Variants in CFTR observed in about 807,000 individuals in gnomAD.
CFTR encodes the protein CF transmembrane conductance regulator.
In CFTR, 181 loss-of-function variants were observed where a neutral mutation model predicts 171.6. The observed-to-expected ratio is 1.05, with a 90% CI of 0.93 to 1.19. The LOEUF (loss-of-function observed/expected upper bound fraction) is 1.19. Among genes scored for constraint, CFTR ranks in the 50% most tolerant of loss-of-function variants. The pLI is 0.00. For missense variants in CFTR, 1,968 were observed against 1,734.7 expected, an observed-to-expected ratio of 1.13 and a Z score of -2.39; for synonymous variants, 583 against 608.0, an observed-to-expected ratio of 0.96 and a Z score of 0.60.
chr7:117,510,920 G>C (rs1015042303), intron 3 of CFTR, among the ~76,000 whole-genome samples: 1 of 152,078 alleles, frequency 6.6e-6, no homozygotes, highest in African/African-American at 2.4e-5. Context: ...ATAACAGGAA[G>C]TTGAGCGTGA....
intron 4 of CFTR, among the ~76,000 whole-genome samples, chr7:117,532,813 C>T (rs1269572897): frequency 6.6e-6 from 1 of 152,154 alleles, no homozygotes; most frequent in Non-Finnish European, 1.5e-5. Flanking sequence ...CCTACAATGG[C>T]ATCATCACCA....
chr7:117,505,182 A>G (rs1273270180), intron 2 of CFTR, among the ~76,000 whole-genome samples: 1 of 152,200 alleles, frequency 6.6e-6, no homozygotes, highest in Non-Finnish European at 1.5e-5. Flanking sequence ...CAGAGAGATA[A>G]TATACTTTGC....
chr7:117,503,243 T>A (rs1173059676), intron 1 of CFTR, among the ~76,000 whole-genome samples: 1 of 152,176 alleles, frequency 6.6e-6, no homozygotes, highest in East Asian at 1.9e-4. Context: ...CATTACCAAA[T>A]AAGGTCTGAA....
chr7:117,513,081 C>T (rs1015659261), intron 3 of CFTR, among the ~76,000 whole-genome samples: 1 of 151,938 alleles, frequency 6.6e-6, no homozygotes, highest in Admixed American at 6.6e-5. Context: ...GGTCTTTGGC[C>T]CCCTAAAGGT....
intron 20 of CFTR, among the ~76,000 whole-genome samples, chr7:117,612,043 A>ATATATATATATATG (rs1792412030): frequency 1.5e-4 from 11 of 72,228 alleles, no homozygotes; most frequent in Non-Finnish European, 2.9e-4. Context: ...ATATATATAT[A>ATATATATATATATG]TATATATATA....
At chr7:117,511,287 C>A (rs1798513644) in intron 3 of CFTR, among the ~76,000 whole-genome samples, 1 of 152,062 alleles carries the variant, frequency 6.6e-6, no homozygotes, top group Non-Finnish European at 1.5e-5. Context: ...GAAATCCACC[C>A]AAGAACCAGT....
rs755544507 is a variant in CFTR at position 117,667,411 on chromosome 7, G to C, written c.*303G>C. On this transcript the variant is annotated 3_prime_UTR_variant, in exon 27 of 27. Coordinates refer to ENST00000003084, the MANE Select transcript of CFTR (RefSeq NM_000492.4). Reference sequence around the variant, plus strand: ...AAACCCTTGCCATGTGCTAGTAATTGGAAAGGCAGCTCTAAATGTCAATCA... The same window carrying C: ...AAACCCTTGCCATGTGCTAGTAATTCGAAAGGCAGCTCTAAATGTCAATCA... 1.0e-5 allele frequency: 4 copies of C among 387,774 alleles called. No homozygotes were observed. Among genetic ancestry groups the C allele is most frequent in the Non-Finnish European group, 2.0e-5 (4 of 202,758 alleles). The allele number at this position is 387,774 out of a possible 1,614,324, so 24.0% of individuals were successfully genotyped here.
intron 3 of CFTR, among the ~76,000 whole-genome samples, chr7:117,529,763 A>G (rs1279919566): frequency 1.3e-5 from 2 of 152,114 alleles, no homozygotes; most frequent in Non-Finnish European, 1.5e-5. Context: ...TACATTGTAG[A>G]AAATGGACAA....
intron 26 of CFTR, among the ~76,000 whole-genome samples, chr7:117,665,999 A>T (rs1477481150): frequency 6.6e-6 from 1 of 152,042 alleles, no homozygotes; most frequent in African/African-American, 2.4e-5. Context: ...GGCACATTTC[A>T]TTTTTCTAGC....
intron 2 of CFTR, among the ~76,000 whole-genome samples, chr7:117,506,165 A>G (rs1225010021): frequency 6.6e-6 from 1 of 152,192 alleles, no homozygotes; most frequent in African/African-American, 2.4e-5. Flanking sequence ...GAGAGATAAA[A>G]TATATAAACA....
chr7:117,645,913 G>A (rs1451042218), intron 23 of CFTR, among the ~76,000 whole-genome samples: 1 of 152,110 alleles, frequency 6.6e-6, no homozygotes. Context: ...AGAAATGCTA[G>A]ATAAAACAGA....
chr7:117,565,200 T>A (rs1791580465), intron 11 of CFTR, among the ~76,000 whole-genome samples: 1 of 152,250 alleles, frequency 6.6e-6, no homozygotes, highest in Non-Finnish European at 1.5e-5. Context: ...GTAGCTATTG[T>A]AAACAGCACT....
At chr7:117,559,371 G>C in intron 10 of CFTR, 93 bp from the exon 11 acceptor site, 2 of 848,786 alleles carry the variant, frequency 2.4e-6, no homozygotes, top group Admixed American at 3.5e-5. Context: ...TTACAAATAA[G>C]AATATACACT....
intron 1 of CFTR, among the ~76,000 whole-genome samples, chr7:117,491,560 C>T (rs1179647744): frequency 6.6e-6 from 1 of 151,948 alleles, no homozygotes; most frequent in Non-Finnish European, 1.5e-5. Flanking sequence ...TTTCCCCTAC[C>T]TTCTGGTGGT....
chr7:117,626,064 T>C (rs1792644607), intron 21 of CFTR, among the ~76,000 whole-genome samples: 2 of 152,164 alleles, frequency 1.3e-5, no homozygotes, highest in African/African-American at 4.8e-5. Context: ...AAAGGATTAT[T>C]TTCTTGAATC....
rs565351573 is a variant in CFTR at position 117,652,302 on chromosome 7, A to G, written c.3874-540A>G. Among the ~76,000 whole-genome samples, 37 of 152,298 alleles carry G rather than the reference A, an allele frequency of 2.4e-4. No homozygotes were observed. The highest frequency in any genetic ancestry group is 8.4e-4 in the African/African-American group (35 of 41,576). ...TGAGGCTCTCTCTTGTGCCTGTCTG[A>G]TCAGATAAGTAGAGTTGTGCCTTGG... is the stretch of plus-strand genomic sequence containing the variant. On this transcript the variant is annotated intron_variant, in intron 23 of 26. Transcript: ENST00000003084.
intron 3 of CFTR, among the ~76,000 whole-genome samples, chr7:117,530,022 G>A (rs1361057501): frequency 6.6e-6 from 1 of 152,100 alleles, no homozygotes; most frequent in East Asian, 1.9e-4. Context: ...AAAATCCCTG[G>A]ATTCAGATCT....
intron 12 of CFTR, among the ~76,000 whole-genome samples, chr7:117,588,800 A>G (rs1479306029): frequency 6.6e-6 from 1 of 152,156 alleles, no homozygotes; most frequent in African/African-American, 2.4e-5. Context: ...AAAGCCATAC[A>G]GGAAAATGGT....
intron 21 of CFTR, among the ~76,000 whole-genome samples, chr7:117,615,648 G>T (rs551875110): frequency 1.5e-4 from 22 of 151,456 alleles, no homozygotes; most frequent in African/African-American, 5.3e-4. Flanking sequence ...CTCTTGTTTT[G>T]GTTTTCTAGA....
Sources: gnomAD v4.1 joint callset for allele counts (sites outside exome capture counted in the v4.1 genomes callset) on GRCh38, gnomAD v4.1.1 for gene constraint, MANE v1.5 for transcripts, NCBI Gene and HGNC (gene_info 2026-07-23, HGNC 2026-07-21) for gene names.